Variants in DOCK1 observed in about 807,000 individuals in gnomAD.
DOCK1 encodes the protein dedicator of cytokinesis protein 1.
DOCK1 carries 138 observed loss-of-function variants against 262.7 expected under a neutral mutation model. The ratio of observed to expected loss-of-function variants is 0.53; its 90% CI spans 0.46 to 0.61. The LOEUF (loss-of-function observed/expected upper bound fraction) is 0.61. Ranked by LOEUF, DOCK1 falls within the 20% of genes least tolerant of loss-of-function variation. The pLI, the probability that DOCK1 is intolerant of heterozygous loss-of-function variation, is 0.00. For synonymous variants in DOCK1, 866 were observed against 867.4 expected (o/e 1.00, Z 0.03); for missense variants, 1,908 against 2,370.7 (o/e 0.80, Z 4.05).
At chr10:127,120,664 C>T (rs1374877770) in intron 25 of DOCK1, among the ~76,000 whole-genome samples, 2 of 152,144 alleles carry the variant, frequency 1.3e-5, no homozygotes, top group Non-Finnish European at 2.9e-5. Context: ...TCACATACCC[C>T]AATTGTTCCA....
intron 1 of DOCK1, among the ~76,000 whole-genome samples, chr10:126,947,954 G>GGTGGTA (rs2035686643): frequency 7.3e-6 from 1 of 137,016 alleles, no homozygotes; most frequent in Non-Finnish European, 1.6e-5. Flanking sequence ...TGGTGGTGGT[G>GGTGGTA]GTTGGTAGTA....
intron 27 of DOCK1, among the ~76,000 whole-genome samples, chr10:127,184,426 A>C: frequency 7.0e-6 from 1 of 143,786 alleles, no homozygotes; most frequent in African/African-American, 2.6e-5. Context: ...CACTGTTCCC[A>C]CCCTGATCTT....
At chr10:127,232,476 T>A (rs1380195728) in intron 27 of DOCK1, among the ~76,000 whole-genome samples, 2 of 152,114 alleles carry the variant, frequency 1.3e-5, no homozygotes, top group Non-Finnish European at 2.9e-5. Flanking sequence ...GCCTTATAGG[T>A]CTGCGCCTTG....
rs112109351 is a variant in DOCK1 at position 127,426,529 on chromosome 10, A to G, written c.4914+518A>G. 4.9e-3 allele frequency among the ~76,000 whole-genome samples: 741 copies of G among 152,290 alleles called. 8 individuals are homozygous for G. Among genetic ancestry groups the G allele is most frequent in the African/African-American group, 0.017 (707 of 41,572 alleles). ...TTAGTGAAGATTTACCTATTGTAGGAAGGGGTAATTGATCTAGACCAAGGA... is the reference window on the plus strand; with the variant it reads ...TTAGTGAAGATTTACCTATTGTAGGGAGGGGTAATTGATCTAGACCAAGGA... On this transcript the variant is annotated intron_variant, in intron 47 of 51. Transcript: ENST00000623213.
intron 33 of DOCK1, among the ~76,000 whole-genome samples, chr10:127,368,815 A>C (rs888273275): frequency 6.6e-6 from 1 of 152,178 alleles, no homozygotes; most frequent in Admixed American, 6.6e-5. Flanking sequence ...ATACTTTTAA[A>C]TTCCCTCCTG....
intron 27 of DOCK1, among the ~76,000 whole-genome samples, chr10:127,215,442 C>A (rs1489738154): frequency 6.6e-6 from 1 of 152,184 alleles, no homozygotes. Context: ...ATGGCAGGTC[C>A]AGTTCCCACG....
intron 27 of DOCK1, chr10:127,153,875 C>T: frequency 6.2e-7 from 1 of 1,612,656 alleles, no homozygotes; most frequent in Non-Finnish European, 8.5e-7. Flanking sequence ...ATGCACTGTT[C>T]CTGCATGTGT....
rs1006874775 is a variant in DOCK1 at position 127,251,651 on chromosome 10, A to G, written c.2949+3542A>G. On this transcript the variant is annotated intron_variant, in intron 28 of 51. Transcript: ENST00000623213. Reference sequence around the variant, plus strand: ...GCGGTGTTTGGTTTTTTGTCCTTGCAATAGTTTACTGAGAATGATGATTTC... The same window carrying G: ...GCGGTGTTTGGTTTTTTGTCCTTGCGATAGTTTACTGAGAATGATGATTTC... Among the ~76,000 whole-genome samples the G allele has an allele frequency of 1.6e-3, 234 of 149,400 alleles. 3 individuals carry two copies. Among genetic ancestry groups the G allele is most frequent in the African/African-American group, 5.3e-3 (216 of 40,772 alleles).
chr10:127,114,859 C>A (rs987907184), intron 25 of DOCK1, among the ~76,000 whole-genome samples: 4 of 150,908 alleles, frequency 2.7e-5, no homozygotes, highest in African/African-American at 9.8e-5. Context: ...CGGGTTCAAT[C>A]GATTCTCCTG....
rs764444370 is a variant in DOCK1 at position 126,970,714 on chromosome 10, A to G, written c.59A>G (p.Tyr20Cys). The G allele has an allele frequency of 1.2e-6, 2 of 1,611,668 alleles. No individual in the cohort carries two copies. Among genetic ancestry groups the G allele is most frequent in the Non-Finnish European group, 8.5e-7 (1 of 1,177,932 alleles). Residue 20 changes from tyrosine (Y) to cysteine (C), a missense_variant, in exon 2 of 52, where the codon TAT (tyrosine) becomes TGT (cysteine). This residue lies in a region of DOCK1 where 227 missense variants were observed against 254.1 expected (regional missense o/e 0.89). Transcript: ENST00000623213. ...TTTTTCATCACAGCTTTTTATAACT[A>G]TGATGCCAGAGGAGCGGATGAACTT... ...EEKYGVAFYN[Y>C]DARGADELSL...
chr10:127,408,986 C>T (rs2067684920), intron 40 of DOCK1, 51 bp from the exon 41 acceptor site: 1 of 1,541,220 alleles, frequency 6.5e-7, no homozygotes, highest in East Asian at 2.4e-5. Flanking sequence ...CATGTGAACT[C>T]TTCCTGGCCC....
intron 38 of DOCK1, among the ~76,000 whole-genome samples, chr10:127,392,797 G>A (rs1159274849): frequency 1.3e-5 from 2 of 152,082 alleles, no homozygotes; most frequent in Non-Finnish European, 2.9e-5. Context: ...GCCACGTGCC[G>A]CATCACAGTT....
At chr10:126,948,620 G>A (rs1275235979) in intron 1 of DOCK1, among the ~76,000 whole-genome samples, 2 of 151,924 alleles carry the variant, frequency 1.3e-5, no homozygotes, top group East Asian at 1.9e-4. Context: ...GATGGAGAAG[G>A]AAAGTTTCCC....
intron 22 of DOCK1, among the ~76,000 whole-genome samples, chr10:127,053,814 T>C (rs2044930426): frequency 6.6e-6 from 1 of 152,226 alleles, no homozygotes. Context: ...CTTCACTGTA[T>C]GATTCAAAAG....
intron 30 of DOCK1, among the ~76,000 whole-genome samples, chr10:127,341,779 C>A (rs886149988): frequency 1.3e-5 from 2 of 152,182 alleles, no homozygotes; most frequent in South Asian, 2.1e-4. Flanking sequence ...GGGCCCACAT[C>A]GAGCGTCGCC....
At chr10:126,950,376 G>T (rs1351245068) in intron 1 of DOCK1, among the ~76,000 whole-genome samples, 1 of 152,026 alleles carries the variant, frequency 6.6e-6, no homozygotes, top group Non-Finnish European at 1.5e-5. Context: ...GTCTGTGCTT[G>T]CCTGCAGGGT....
At chr10:127,078,715 A>G (rs1028136992) in intron 23 of DOCK1, among the ~76,000 whole-genome samples, 7 of 152,330 alleles carry the variant, frequency 4.6e-5, no homozygotes, top group Admixed American at 1.3e-4. Context: ...ATCAGTCAAC[A>G]AGTAGATAAA....
intron 27 of DOCK1, among the ~76,000 whole-genome samples, chr10:127,172,945 T>G (rs2133857161): frequency 6.6e-6 from 1 of 152,320 alleles, no homozygotes; most frequent in South Asian, 2.1e-4. Context: ...ACTGTGAAGT[T>G]TCAATTGTCA....
intron 29 of DOCK1, among the ~76,000 whole-genome samples, chr10:127,274,252 A>G (rs755567826): frequency 1.3e-5 from 2 of 152,174 alleles, no homozygotes; most frequent in Non-Finnish European, 2.9e-5. Flanking sequence ...TAAAGAAACC[A>G]TATATACCTC....
Sources: allele counts gnomAD v4.1 joint callset (sites outside exome capture counted in the v4.1 genomes callset), GRCh38; gene constraint gnomAD v4.1.1; regional missense constraint gnomAD v4.1.1; transcripts MANE v1.5; gene names NCBI Gene and HGNC (gene_info 2026-07-23, HGNC 2026-07-21).